The following ATOSA variants were observed in gnomAD, a reference collection of about 807,000 sequenced individuals.
ATOSA encodes the protein atos homolog A, also known as atos homolog protein A.
At chr15:52,700,613 C>A in the ATOSA span, among the ~76,000 whole-genome samples, 1 of 152,334 alleles carries the variant, frequency 6.6e-6, no homozygotes, top group Non-Finnish European at 1.5e-5. Context: ...CTAGAGAACA[C>A]TTAAGGAAGT....
chr15:52,610,289 A>G, the ATOSA span: 1 of 1,614,042 alleles, frequency 6.2e-7, no homozygotes, highest in Admixed American at 1.7e-5. Flanking sequence ...CTGACTTTCA[A>G]GGCAACATTG....
chr15:52,694,616 T>C, the ATOSA span, among the ~76,000 whole-genome samples: 2 of 152,074 alleles, frequency 1.3e-5, no homozygotes, highest in Non-Finnish European at 2.9e-5. Context: ...AGAGAATTGC[T>C]TGAGCCCAGG....
chr15:52,591,612 A>C, the ATOSA span, among the ~76,000 whole-genome samples: 23 of 152,298 alleles, frequency 1.5e-4, no homozygotes, highest in Admixed American at 1.3e-3. Flanking sequence ...AAAAGGTGTG[A>C]AACTGATCAG....
At chr15:52,637,135 G>A in the ATOSA span, among the ~76,000 whole-genome samples, 51 of 152,188 alleles carry the variant, frequency 3.4e-4, no homozygotes, top group African/African-American at 1.2e-3. Flanking sequence ...AATGCTACAT[G>A]TATTTATCAT....
the ATOSA span, among the ~76,000 whole-genome samples, chr15:52,621,951 G>C: frequency 6.6e-6 from 1 of 151,764 alleles, no homozygotes; most frequent in Non-Finnish European, 1.5e-5. Context: ...TGGGGTTCAA[G>C]CAATTCTCTT....
chr15:52,697,637 T>TA, the ATOSA span, among the ~76,000 whole-genome samples: 46 of 152,190 alleles, frequency 3.0e-4, 1 homozygote, highest in African/African-American at 1.1e-3. Context: ...TGCTCATAAA[T>TA]AAATGTTTGC....
the ATOSA span, among the ~76,000 whole-genome samples, chr15:52,607,306 C>A: frequency 2.0e-5 from 3 of 152,134 alleles, no homozygotes; most frequent in African/African-American, 7.2e-5. Context: ...TGGGTCTGAC[C>A]TGCTAACAAA....
At chr15:52,597,695 T>C in the ATOSA span, among the ~76,000 whole-genome samples, 1 of 152,180 alleles carries the variant, frequency 6.6e-6, no homozygotes, top group Non-Finnish European at 1.5e-5. Flanking sequence ...ATGAATTGAA[T>C]GGATGATGAC....
At chr15:52,636,490 G>A in the ATOSA span, among the ~76,000 whole-genome samples, 1 of 152,052 alleles carries the variant, frequency 6.6e-6, no homozygotes, top group African/African-American at 2.4e-5. Context: ...CGTACAACTG[G>A]GAATATAAAG....
the ATOSA span, among the ~76,000 whole-genome samples, chr15:52,610,739 C>G: frequency 6.6e-6 from 1 of 152,138 alleles, no homozygotes; most frequent in African/African-American, 2.4e-5. Flanking sequence ...TAAGAGACAC[C>G]CTATCTCATG....
chr15:52,601,130 A>T, the ATOSA span: 2 of 1,545,548 alleles, frequency 1.3e-6, no homozygotes, highest in East Asian at 4.8e-5. Flanking sequence ...AAGAATCCAG[A>T]TCAAAGCAAC....
At chr15:52,597,150 A>G in the ATOSA span, among the ~76,000 whole-genome samples, 1 of 41,862 alleles carries the variant, frequency 2.4e-5, no homozygotes, top group South Asian at 1.2e-3. Context: ...ATTCTATTTT[A>G]TTCTGTTCTG....
At chr15:52,618,025 T>A in the ATOSA span, among the ~76,000 whole-genome samples, 1 of 125,040 alleles carries the variant, frequency 8.0e-6, no homozygotes, top group Admixed American at 9.1e-5. Flanking sequence ...TAAAAACTCA[T>A]CATTCCCCTC....
the ATOSA span, among the ~76,000 whole-genome samples, chr15:52,640,120 C>A: frequency 6.7e-4 from 102 of 152,128 alleles, no homozygotes; most frequent in African/African-American, 1.6e-3. Context: ...AGTTAAGATA[C>A]TTGCGCAAAG....
At chr15:52,600,345 C>G in the ATOSA span, 1 of 617,016 alleles carries the variant, frequency 1.6e-6, no homozygotes, top group Non-Finnish European at 2.8e-6. Context: ...GTGGCACCAT[C>G]ATAGCTCATA....
the ATOSA span, chr15:52,656,371 A>G: frequency 6.6e-6 from 1 of 152,156 alleles, no homozygotes; most frequent in Non-Finnish European, 1.5e-5. Context: ...CCTAGCAATC[A>G]TATTTGCTGC....
chr15:52,626,529 G>A, the ATOSA span, among the ~76,000 whole-genome samples: 5 of 141,688 alleles, frequency 3.5e-5, no homozygotes, highest in Non-Finnish European at 3.0e-5. Context: ...AGGGAAAGCT[G>A]AAAAAAAAAA....
At chr15:52,584,604 T>C in the ATOSA span, 1 of 678,480 alleles carries the variant, frequency 1.5e-6, no homozygotes, top group Non-Finnish European at 2.4e-6. Flanking sequence ...ACTTTCGGCA[T>C]CTTGGCACAT....
the ATOSA span, among the ~76,000 whole-genome samples, chr15:52,606,716 A>G: frequency 6.6e-6 from 1 of 152,336 alleles, no homozygotes; most frequent in Middle Eastern, 3.4e-3. Context: ...TGTGACAATT[A>G]TACTTTTAGA....
Sources: allele counts gnomAD v4.1 joint callset (sites outside exome capture counted in the v4.1 genomes callset), GRCh38; gene constraint gnomAD v4.1.1; transcripts MANE v1.5; gene names NCBI Gene and HGNC (gene_info 2026-07-23, HGNC 2026-07-21).